NRG1: variants seen among roughly 807,000 people sequenced by gnomAD.
NRG1 encodes pro-neuregulin-1, membrane-bound isoform.
Under a neutral mutation model 63.8 loss-of-function variants are expected in NRG1, and 18 were observed. That is an observed-to-expected ratio of 0.28 (90% CI 0.19 to 0.42). The LOEUF (loss-of-function observed/expected upper bound fraction) is 0.42, where lower values mean the gene tolerates loss of function less well. NRG1 is among the 10% of genes least tolerant of loss of function. NRG1 has a pLI of 1.00. For missense variants in NRG1, 762 were observed against 814.7 expected, an observed-to-expected ratio of 0.94 and a Z score of 0.79; for synonymous variants, 302 against 301.3, an observed-to-expected ratio of 1.00 and a Z score of -0.02.
intron 6 of NRG1, among the ~76,000 whole-genome samples, chr8:32,730,317 G>GTGGCA (rs1277956780): frequency 6.6e-6 from 1 of 152,094 alleles, no homozygotes; most frequent in Non-Finnish European, 1.5e-5. Context: ...GCCGGGCATG[G>GTGGCA]TGGCATGCAC....
chr8:32,081,523 A>G (rs7839486), intron 1 of NRG1, among the ~76,000 whole-genome samples: 147,963 of 152,252 alleles, frequency 0.97, 72,042 homozygotes, highest in East Asian at 1. Context: ...AAAGCAAAGG[A>G]ACATTAGATT....
rs577786045 is a variant in NRG1 at position 31,825,244 on chromosome 8, C to T, written c.37+185813C>T. ...CTCTACTAAAAATACAAAAACTAGC[C>T]GGGTGTGGTGGCGGGCACCTGTAGT... On this transcript the variant is annotated intron_variant, in intron 1 of 10. Transcript: ENST00000519301. Among the ~76,000 whole-genome samples the T allele has an allele frequency of 9.7e-4, 148 of 151,988 alleles. 2 individuals are homozygous for T. Among genetic ancestry groups the T allele is most frequent in the African/African-American group, 3.0e-3 (126 of 41,460 alleles).
chr8:32,360,749 G>T (rs529835706), intron 1 of NRG1, among the ~76,000 whole-genome samples: 1 of 152,282 alleles, frequency 6.6e-6, no homozygotes, highest in East Asian at 1.9e-4. Flanking sequence ...CTACAGCAAG[G>T]CCCACGTCTT....
At chr8:32,646,909 G>C in intron 5 of NRG1, 1 of 984,980 alleles carries the variant, frequency 1.0e-6, no homozygotes, top group South Asian at 4.7e-5. Context: ...AGAGGGGGAG[G>C]AAAGAGAGAG....
chr8:32,064,601 A>C (rs1824438601), intron 1 of NRG1, among the ~76,000 whole-genome samples: 1 of 152,160 alleles, frequency 6.6e-6, no homozygotes, highest in Non-Finnish European at 1.5e-5. Context: ...GCTTGGTAAG[A>C]AAAGTCTTTT....
At chr8:31,644,215 C>T (rs1804076031) in intron 1 of NRG1, among the ~76,000 whole-genome samples, 1 of 152,122 alleles carries the variant, frequency 6.6e-6, no homozygotes, top group Non-Finnish European at 1.5e-5. Context: ...GTTGTAAATA[C>T]ACATGTAAAT....
chr8:31,640,202 A>C lies in NRG1; in HGVS notation c.37+771A>C. 8.5e-7 allele frequency: 1 copy of C among 1,171,018 alleles called. No individual in the cohort carries two copies. Among genetic ancestry groups the C allele is most frequent in the African/African-American group, 1.6e-5 (1 of 61,576 alleles). 72.5% of individuals were successfully genotyped at this position (1,171,018 alleles called of 1,614,324 possible). A position where few individuals can be genotyped will look rare whatever the true frequency, so the allele number is the denominator to read the frequency against. On this transcript the variant is annotated intron_variant, in intron 1 of 10. Transcript: ENST00000519301. This position sits in a 1 kb window ranked among gnomAD's most constrained non-coding sequence, Gnocchi z 6.3. ...TCCCCGCCCAGCGTGGGATCGGTGCAGGAGCTAGCTCAGCGCGCCGCGGTG... is the reference window on the plus strand; with the variant it reads ...TCCCCGCCCAGCGTGGGATCGGTGCCGGAGCTAGCTCAGCGCGCCGCGGTG...
intron 1 of NRG1, among the ~76,000 whole-genome samples, chr8:31,676,574 A>G (rs1013375229): frequency 3.3e-5 from 5 of 152,268 alleles, no homozygotes; most frequent in Non-Finnish European, 5.9e-5. Context: ...GACCCACCCC[A>G]TATCTGCTTA....
chr8:31,667,045 C>T (rs539930533), intron 1 of NRG1, among the ~76,000 whole-genome samples: 2 of 152,248 alleles, frequency 1.3e-5, no homozygotes, highest in South Asian at 2.1e-4. Context: ...GCAGGCTGTC[C>T]GGCTCCAGTG....
chr8:32,763,342 C>T, intron 11 of NRG1: 2 of 1,613,906 alleles, frequency 1.2e-6, no homozygotes, highest in Non-Finnish European at 1.7e-6. Flanking sequence ...TCTCTAAGAC[C>T]CCTTGGCCTT....
intron 1 of NRG1, among the ~76,000 whole-genome samples, chr8:32,593,555 G>T (rs1235011703): frequency 6.6e-6 from 1 of 152,042 alleles, no homozygotes; most frequent in Non-Finnish European, 1.5e-5. Flanking sequence ...TCAGGAGGCT[G>T]AGGTGGGAGG....
intron 1 of NRG1, among the ~76,000 whole-genome samples, chr8:32,168,827 T>C (rs767971140): frequency 1.8e-4 from 28 of 152,184 alleles, no homozygotes; most frequent in Non-Finnish European, 3.8e-4. Flanking sequence ...ATGTCTGTCT[T>C]GTATCATCTG....
intron 1 of NRG1, among the ~76,000 whole-genome samples, chr8:32,586,857 A>G (rs1841707912): frequency 6.6e-6 from 1 of 152,148 alleles, no homozygotes; most frequent in South Asian, 2.1e-4. Flanking sequence ...CAGTTAAGGG[A>G]GCAAACCAGC....
Position 31,893,059 on chromosome 8 carries a change from A to G in NRG1, c.37+253628A>G, listed in dbSNP as rs1047736612. ...ATATGGGGGAAAAAACCCTAAGAGTATAAAAGCCCAGAAAGAGCCTCTTCT... is the reference window on the plus strand; with the variant it reads ...ATATGGGGGAAAAAACCCTAAGAGTGTAAAAGCCCAGAAAGAGCCTCTTCT... On this transcript the variant is annotated intron_variant, in intron 1 of 10. Transcript: ENST00000519301. Among the ~76,000 whole-genome samples, 12 of 151,758 alleles carry G rather than the reference A, an allele frequency of 7.9e-5. No homozygotes were observed. In the East Asian group the frequency reaches 2.1e-3, roughly 27 times the overall value.
intron 1 of NRG1, among the ~76,000 whole-genome samples, chr8:32,042,960 C>CTGTGTGTGTGTG (rs1820312328): frequency 5.0e-4 from 5 of 10,008 alleles, no homozygotes; most frequent in Non-Finnish European, 1.7e-3. Flanking sequence ...AGAAAGAGTG[C>CTGTGTGTGTGTG]AGTGTGTGTG....
chr8:32,604,635 A>T (rs1844944860), intron 2 of NRG1, among the ~76,000 whole-genome samples: 1 of 152,118 alleles, frequency 6.6e-6, no homozygotes, highest in Non-Finnish European at 1.5e-5. Flanking sequence ...CAGCATGATC[A>T]TGGCACACTA....
rs753533799 is a variant in NRG1, at chr8:31,824,746, C to T, written c.37+185315C>T. On this transcript the variant is annotated intron_variant, in intron 1 of 10. Transcript: ENST00000519301. The stretch of plus-strand genomic sequence containing the variant: ...AAGTTATGTGTAATAAGAAACAAAG[C>T]GTACCACTTCCAAAATATTCACATT... Among the ~76,000 whole-genome samples, 5 of 152,146 alleles carry T rather than the reference C, an allele frequency of 3.3e-5. No homozygotes were observed. The South Asian group carries it at 6.2e-4, about 19-fold the overall frequency.
intron 1 of NRG1, among the ~76,000 whole-genome samples, chr8:32,030,191 G>A (rs1032497994): frequency 2.6e-5 from 4 of 152,126 alleles, no homozygotes; most frequent in African/African-American, 9.7e-5. Flanking sequence ...CTCTAGATCT[G>A]TCATACTACA....
chr8:32,751,393 G>A (rs1386433053), intron 7 of NRG1, among the ~76,000 whole-genome samples: 3 of 152,142 alleles, frequency 2.0e-5, no homozygotes, highest in East Asian at 1.9e-4. Context: ...CAGACCCACC[G>A]ATCGGAATGA....
Sources: gnomAD v4.1 joint callset for allele counts (sites outside exome capture counted in the v4.1 genomes callset) on GRCh38, gnomAD v4.1.1 for gene constraint, Gnocchi (gnomAD v3.1) non-coding constraint, MANE v1.5 for transcripts, NCBI Gene and HGNC (gene_info 2026-07-23, HGNC 2026-07-21) for gene names.